The following DLGAP2 variants were observed in gnomAD, a reference collection of about 807,000 sequenced individuals.
DLGAP2 encodes DLG associated protein 2.
A neutral mutation model predicts 100.3 loss-of-function variants in DLGAP2; 26 were observed. The observed-to-expected ratio is 0.26, with a 90% CI of 0.19 to 0.36. The LOEUF is 0.36. Among genes scored for constraint, DLGAP2 ranks in the 10% least tolerant of loss-of-function variants. The probability of loss-of-function intolerance (pLI) is 1.00; values close to 1 mark genes in which losing one functional copy is unlikely to be tolerated. For missense variants in DLGAP2, 1,858 were observed against 1,453.2 expected (o/e 1.28, Z -4.53); for synonymous variants, 886 against 630.1 (o/e 1.41, Z -6.08).
chr8:1,237,498 G>A (rs1289256902), intron 2 of DLGAP2, among the ~76,000 whole-genome samples: 1 of 131,674 alleles, frequency 7.6e-6, no homozygotes, highest in African/African-American at 3.0e-5. Context: ...CTCACACATA[G>A]CGTCATGTCT....
At chr8:856,557 G>C (rs1162748025) in intron 1 of DLGAP2, among the ~76,000 whole-genome samples, 3 of 152,168 alleles carry the variant, frequency 2.0e-5, no homozygotes, top group Non-Finnish European at 4.4e-5. Context: ...ATATGCAAAG[G>C]TCAGTTACTT....
chr8:1,378,689 C>T (rs1796022571), intron 3 of DLGAP2, among the ~76,000 whole-genome samples: 1 of 152,262 alleles, frequency 6.6e-6, no homozygotes, highest in Non-Finnish European at 1.5e-5. Flanking sequence ...GCTCCATCTT[C>T]CTCTGTGCTT....
intron 2 of DLGAP2, among the ~76,000 whole-genome samples, chr8:1,218,797 A>T (rs1032436501): frequency 6.6e-6 from 1 of 151,878 alleles, no homozygotes; most frequent in African/African-American, 2.4e-5. Context: ...TTTCATCTCT[A>T]ATATCTTTCA....
At position 869,593 on chromosome 8, in the gene DLGAP2, C is replaced by G. The variant is rs137903588; in HGVS notation, c.19-38319C>G. Among the ~76,000 whole-genome samples the G allele has an allele frequency of 2.6e-3, 398 of 152,334 alleles. 2 individuals are homozygous for G. The highest frequency in any genetic ancestry group is 8.9e-3 in the African/African-American group (371 of 41,572). ...TTTAATAACTCCAAGACCTCCCTGT[C>G]TTTTCCAAGGCTGGCAGCTGGATAA... On this transcript the variant is annotated intron_variant, in intron 1 of 14. Coordinates refer to ENST00000637795, the MANE Select transcript of DLGAP2 (RefSeq NM_001346810.2).
chr8:1,246,349 C>G (rs75120940), intron 2 of DLGAP2, among the ~76,000 whole-genome samples: 4 of 152,300 alleles, frequency 2.6e-5, no homozygotes, highest in Non-Finnish European at 4.4e-5. Context: ...AGCGATGGTG[C>G]TTTTGGAGGC....
intron 2 of DLGAP2, among the ~76,000 whole-genome samples, chr8:1,027,449 T>C (rs1179058472): frequency 7.3e-4 from 80 of 109,130 alleles, no homozygotes; most frequent in Middle Eastern, 6.5e-3. Context: ...TGCCAGGCGC[T>C]CGTTATTCTC....
At chr8:1,277,819 C>A (rs939753659) in intron 3 of DLGAP2, among the ~76,000 whole-genome samples, 11 of 152,112 alleles carry the variant, frequency 7.2e-5, no homozygotes, top group African/African-American at 2.7e-4. Flanking sequence ...CTAAGGGGTC[C>A]AACTCCCCAC....
At chr8:1,316,284 G>C (rs112970331) in intron 3 of DLGAP2, among the ~76,000 whole-genome samples, 11 of 123,792 alleles carry the variant, frequency 8.9e-5, no homozygotes, top group South Asian at 2.7e-4. Flanking sequence ...CGAGTGCAGC[G>C]TCTCTCCAAC....
chr8:1,128,346 C>T (rs572141895), intron 2 of DLGAP2, among the ~76,000 whole-genome samples: 9 of 149,706 alleles, frequency 6.0e-5, no homozygotes, highest in African/African-American at 1.7e-4. Flanking sequence ...TGTTGTGTTC[C>T]GTGAGGACCT....
chr8:916,686 AAAAG>A (rs1387750074), intron 2 of DLGAP2, among the ~76,000 whole-genome samples: 3 of 152,252 alleles, frequency 2.0e-5, no homozygotes, highest in African/African-American at 7.2e-5. Context: ...AAATTTAAAA[AAAAG>A]AAACTCAATC....
chr8:1,031,042 G>C (rs969305762), intron 2 of DLGAP2, among the ~76,000 whole-genome samples: 4 of 152,204 alleles, frequency 2.6e-5, no homozygotes, highest in African/African-American at 9.6e-5. Context: ...GGTGGCTGCG[G>C]GTCTTCTGCC....
intron 1 of DLGAP2, chr8:754,062 A>C (rs981052900): frequency 6.6e-6 from 1 of 152,188 alleles, no homozygotes; most frequent in African/African-American, 2.4e-5. Context: ...GGCAGATCTG[A>C]GTGAGGATGG....
intron 1 of DLGAP2, among the ~76,000 whole-genome samples, chr8:765,986 G>A (rs1217314689): frequency 6.6e-6 from 1 of 152,144 alleles, no homozygotes; most frequent in African/African-American, 2.4e-5. Flanking sequence ...GACCAAAATG[G>A]TGAAACCCAG....
intron 3 of DLGAP2, among the ~76,000 whole-genome samples, chr8:1,408,854 A>C (rs892753149): frequency 6.6e-6 from 1 of 152,112 alleles, no homozygotes; most frequent in African/African-American, 2.4e-5. Flanking sequence ...TAAGGTGCGC[A>C]GGGCACAGAG....
At chr8:1,191,736 C>G (rs370000873) in intron 2 of DLGAP2, among the ~76,000 whole-genome samples, 8 of 152,286 alleles carry the variant, frequency 5.3e-5, no homozygotes, top group African/African-American at 1.7e-4. Context: ...TCACACTTTA[C>G]CCTCCTATTT....
At chr8:1,320,135 C>T (rs73170453) in intron 3 of DLGAP2, among the ~76,000 whole-genome samples, 19,068 of 151,934 alleles carry the variant, frequency 0.13, 1,495 homozygotes, top group East Asian at 0.22. Context: ...AAGAGGAGGG[C>T]TGAAGGGGAC....
intron 2 of DLGAP2, among the ~76,000 whole-genome samples, chr8:1,258,618 C>G (rs1799279093): frequency 6.6e-6 from 1 of 151,908 alleles, no homozygotes; most frequent in South Asian, 2.1e-4. Context: ...TTTTTTAATT[C>G]TCAAAAGTAA....
chr8:1,511,062 C>CT (rs1399122939), intron 4 of DLGAP2, among the ~76,000 whole-genome samples: 1 of 152,240 alleles, frequency 6.6e-6, no homozygotes, highest in Non-Finnish European at 1.5e-5. Flanking sequence ...AGCTTGAAAC[C>CT]TTTCTTATAA....
chr8:774,596 T>G (rs1254856635), intron 1 of DLGAP2, among the ~76,000 whole-genome samples: 1 of 150,242 alleles, frequency 6.7e-6, no homozygotes, highest in Non-Finnish European at 1.5e-5. Flanking sequence ...CACCATTTAT[T>G]AAATAGGGAA....
Sources: gnomAD v4.1 joint callset for allele counts (sites outside exome capture counted in the v4.1 genomes callset) on GRCh38, gnomAD v4.1.1 for gene constraint, MANE v1.5 for transcripts, NCBI Gene and HGNC (gene_info 2026-07-23, HGNC 2026-07-21) for gene names.